Variants in ITPR1 observed in about 807,000 individuals in gnomAD.
ITPR1 encodes the protein inositol 1,4,5-trisphosphate receptor type 1.
ITPR1 carries 96 observed loss-of-function variants against 318.4 expected under a neutral mutation model. The observed-to-expected ratio is 0.30, with a 90% CI of 0.26 to 0.36. ITPR1 has a LOEUF of 0.36. Among genes scored for constraint, ITPR1 ranks in the 10% least tolerant of loss-of-function variants. ITPR1 has a pLI of 1.00. For synonymous variants in ITPR1, 1,312 were observed against 1,289.9 expected, an observed-to-expected ratio of 1.02 and a Z score of -0.37; for missense variants, 2,440 against 3,460.2, an observed-to-expected ratio of 0.71 and a Z score of 7.40.
chr3:4,598,492 G>T (rs1161426947), intron 4 of ITPR1, among the ~76,000 whole-genome samples: 2 of 152,034 alleles, frequency 1.3e-5, no homozygotes, highest in African/African-American at 2.4e-5. Context: ...GTGGTGGTGG[G>T]TGCCTGTGAT....
chr3:4,809,072 T>C (rs540230417), intron 55 of ITPR1, among the ~76,000 whole-genome samples: 84 of 152,340 alleles, frequency 5.5e-4, no homozygotes, highest in African/African-American at 2.0e-3. Context: ...CAATCCTGTG[T>C]TTTACCTGTG....
intron 50 of ITPR1, among the ~76,000 whole-genome samples, chr3:4,783,497 C>T (rs769715932): frequency 6.6e-5 from 10 of 152,310 alleles, no homozygotes; most frequent in Middle Eastern, 3.4e-3. Flanking sequence ...CATCTGCCAC[C>T]GAGAAGGTTT....
At chr3:4,738,097 A>G (rs764613205) in intron 44 of ITPR1, among the ~76,000 whole-genome samples, 1 of 152,194 alleles carries the variant, frequency 6.6e-6, no homozygotes, top group African/African-American at 2.4e-5. Context: ...GGATGGAAAA[A>G]TAACTAATGG....
rs772401763 is a variant in ITPR1 at position 4,806,191 on chromosome 3, A to G, written c.7196A>G (p.Glu2399Gly). ...RGYRAMVLDV[E>G]FLYHLLYLVI... is the part of the protein sequence containing the mutation. ...TACCGAGCCATGGTTCTGGATGTTG[A>G]GTTCCTCTATCATTTGTTGTATCTG... Residue 2399 changes from glutamate (E) to glycine (G), a missense_variant, in exon 55 of 62, where the codon GAG (glutamate) becomes GGG (glycine). Around this residue, in one of 23 missense-constraint regions of ITPR1, gnomAD observed 126 missense variants for 150.8 expected, o/e 0.84. Coordinates refer to ENST00000649015, the MANE Select transcript of ITPR1 (RefSeq NM_001378452.1). 1.2e-6 allele frequency: 2 copies of G among 1,613,854 alleles called. No individual in the cohort carries two copies. The highest frequency in any genetic ancestry group is 1.7e-6 in the Non-Finnish European group (2 of 1,179,776).
At chr3:4,682,998 G>T (rs2094328810) in intron 26 of ITPR1, among the ~76,000 whole-genome samples, 1 of 152,132 alleles carries the variant, frequency 6.6e-6, no homozygotes. Context: ...AATTCAGCCT[G>T]GGCAACATAG....
rs2048544238 is a variant in ITPR1, at chr3:4,806,237, C to T, written c.7242C>T (p.Leu2414=). 1 of 1,613,998 alleles carries T rather than the reference C, an allele frequency of 6.2e-7. No homozygotes were observed. Among genetic ancestry groups the T allele is most frequent in the Non-Finnish European group, 8.5e-7 (1 of 1,179,866 alleles). The stretch of plus-strand genomic sequence containing the variant: ...ATCTGGTGATCTGTGCCATGGGGCT[C>T]TTTGTCCATGAATTCTTCTACAGTC... The part of the protein sequence containing the change: ...LLYLVICAMG[L]FVHEFFYSLL... The change falls in exon 55 of 62, where the codon CTC becomes CTT. Residue 2414 remains leucine (L), a synonymous_variant. Coordinates refer to ENST00000649015, the MANE Select transcript of ITPR1 (RefSeq NM_001378452.1).
At chr3:4,744,616 A>G (rs1229526074) in intron 44 of ITPR1, among the ~76,000 whole-genome samples, 2 of 152,194 alleles carry the variant, frequency 1.3e-5, no homozygotes, top group East Asian at 3.8e-4. Flanking sequence ...CAGCGTGTGA[A>G]ATGTTTACCA....
chr3:4,744,946 TTCCCTCCC>T (rs200949945), intron 44 of ITPR1, among the ~76,000 whole-genome samples: 1 of 82,600 alleles, frequency 1.2e-5, no homozygotes, highest in African/African-American at 4.7e-5. Context: ...CCTTCCTTCC[TTCCCTCCC>T]TCCCTCCTTC....
chr3:4,652,554 G>A (rs757252528), intron 11 of ITPR1, among the ~76,000 whole-genome samples: 1 of 152,068 alleles, frequency 6.6e-6, no homozygotes, highest in Non-Finnish European at 1.5e-5. Flanking sequence ...TAGCATGAGC[G>A]ACTGAGGCTG....
At chr3:4,523,311 A>T (rs1337173534) in intron 4 of ITPR1, among the ~76,000 whole-genome samples, 3 of 152,140 alleles carry the variant, frequency 2.0e-5, no homozygotes, top group Non-Finnish European at 4.4e-5. Flanking sequence ...ATAATTTAAA[A>T]TTTTGTTTTT....
In ITPR1 at chr3:4,826,058, G is replaced by A. The variant is rs568391443; in HGVS notation, c.8028+7816G>A. Among the ~76,000 whole-genome samples, 1 of 152,338 alleles carries A rather than the reference G, an allele frequency of 6.6e-6. No homozygotes were observed. The highest frequency in any genetic ancestry group is 1.5e-5 in the Non-Finnish European group (1 of 68,024). On this transcript the variant is annotated intron_variant, in intron 60 of 61. Coordinates refer to ENST00000649015, the MANE Select transcript of ITPR1 (RefSeq NM_001378452.1). This position sits in a 1 kb window ranked among gnomAD's most constrained non-coding sequence, Gnocchi z 4.2. Reference sequence around the variant, plus strand: ...AGAGAGGAAGGGCGAGTCCAACAGGGCGTGCACTTAACCCTGGTCTGACCT... The same window carrying A: ...AGAGAGGAAGGGCGAGTCCAACAGGACGTGCACTTAACCCTGGTCTGACCT...
chr3:4,662,079 C>T lies in ITPR1; in HGVS notation c.1252-3C>T. 6.2e-7 allele frequency: 1 copy of T among 1,611,944 alleles called. No homozygotes were observed. The highest frequency in any genetic ancestry group is 8.5e-7 in the Non-Finnish European group (1 of 1,178,536). On this transcript the variant is annotated splice_region_variant and splice_polypyrimidine_tract_variant and intron_variant, in intron 14 of 61. Transcript: ENST00000649015. ...ATCTCACAAGGACCACCTTGAATTT[C>T]AGATTGGCACCTCTCCTGTGAAGGA...
chr3:4,722,428 G>A (rs757041270), intron 40 of ITPR1, among the ~76,000 whole-genome samples: 4 of 152,114 alleles, frequency 2.6e-5, no homozygotes, highest in Non-Finnish European at 4.4e-5. Flanking sequence ...CCCTCAAAAT[G>A]TTCCCCCTAA....
chr3:4,654,587 A>G (rs1355687784), intron 12 of ITPR1, among the ~76,000 whole-genome samples: 5 of 152,176 alleles, frequency 3.3e-5, no homozygotes, highest in African/African-American at 1.2e-4. Context: ...GGAGTGCTTG[A>G]TTCTGGTCTA....
At chr3:4,627,284 G>A (rs924599915) in intron 4 of ITPR1, among the ~76,000 whole-genome samples, 3 of 152,024 alleles carry the variant, frequency 2.0e-5, no homozygotes, top group Non-Finnish European at 2.9e-5. Context: ...TAACAACGTG[G>A]CAAAACCCAT....
chr3:4,835,139 G>GCAAA (rs985869690), intron 60 of ITPR1, among the ~76,000 whole-genome samples: 8 of 119,086 alleles, frequency 6.7e-5, no homozygotes, highest in African/African-American at 2.5e-4. Flanking sequence ...AGTATCTTAA[G>GCAAA]CAAACACTCT....
At chr3:4,686,568 C>T (rs1162751128) in intron 30 of ITPR1, among the ~76,000 whole-genome samples, 5 of 152,278 alleles carry the variant, frequency 3.3e-5, no homozygotes, top group Middle Eastern at 3.4e-3. Context: ...GCTTAATCTA[C>T]AGGTAACCAG....
At chr3:4,754,662 T>A (rs1559837235) in intron 44 of ITPR1, among the ~76,000 whole-genome samples, 2 of 152,216 alleles carry the variant, frequency 1.3e-5, no homozygotes, top group African/African-American at 4.8e-5. Flanking sequence ...CAAAAGTCCT[T>A]CCTGAGATCT....
At chr3:4,594,540 C>T (rs2090645298) in intron 4 of ITPR1, among the ~76,000 whole-genome samples, 1 of 152,186 alleles carries the variant, frequency 6.6e-6, no homozygotes, top group Admixed American at 6.5e-5. Context: ...CTCTCCCATT[C>T]TTAGTGTGTG....
Sources: gnomAD v4.1 joint callset for allele counts (sites outside exome capture counted in the v4.1 genomes callset) on GRCh38, gnomAD v4.1.1 for gene constraint, gnomAD v4.1.1 regional missense constraint, Gnocchi (gnomAD v3.1) non-coding constraint, MANE v1.5 for transcripts, NCBI Gene and HGNC (gene_info 2026-07-23, HGNC 2026-07-21) for gene names.